TAFA2: variants seen among roughly 807,000 people sequenced by gnomAD.
TAFA2 encodes the protein chemokine-like protein TAFA-2.
TAFA2 carries 7 observed loss-of-function variants against 18.8 expected under a neutral mutation model. The ratio of observed to expected loss-of-function variants is 0.37; its 90% confidence interval spans 0.21 to 0.70. The LOEUF (loss-of-function observed/expected upper bound fraction) is 0.70, where lower values mean the gene tolerates loss of function less well. TAFA2 is among the 30% of genes least tolerant of loss of function. TAFA2 has a pLI of 0.53. For missense variants in TAFA2, 122 were observed against 158.1 expected (o/e 0.77, Z 1.23); for synonymous variants, 60 against 54.2 (o/e 1.11, Z -0.47).
At chr12:61,877,011 C>T (rs982336306) in intron 1 of TAFA2, among the ~76,000 whole-genome samples, 14 of 152,110 alleles carry the variant, frequency 9.2e-5, no homozygotes, top group African/African-American at 1.4e-4. Flanking sequence ...TATACTTTAA[C>T]GAGCTGTCTT....
intron 1 of TAFA2, among the ~76,000 whole-genome samples, chr12:62,150,284 T>C (rs1031770698): frequency 9.2e-5 from 14 of 152,238 alleles, no homozygotes; most frequent in Admixed American, 6.5e-4. Flanking sequence ...TCTTTCTGTA[T>C]ATGGACCTTT....
At chr12:61,974,205 C>T (rs1488545096) in intron 1 of TAFA2, among the ~76,000 whole-genome samples, 1 of 151,564 alleles carries the variant, frequency 6.6e-6, no homozygotes, top group Non-Finnish European at 1.5e-5. Flanking sequence ...TATTCCTGTT[C>T]TATTCATCAC....
At chr12:62,089,111 C>G (rs1592328394) in intron 1 of TAFA2, among the ~76,000 whole-genome samples, 1 of 152,086 alleles carries the variant, frequency 6.6e-6, no homozygotes, top group South Asian at 2.1e-4. Flanking sequence ...TCAGGCCACC[C>G]TGAAATAACT....
intron 1 of TAFA2, among the ~76,000 whole-genome samples, chr12:62,093,023 C>T (rs912864402): frequency 3.9e-5 from 6 of 151,932 alleles, no homozygotes; most frequent in African/African-American, 1.4e-4. Context: ...CTTTTTAGTC[C>T]ATTCGCATCT....
intron 2 of TAFA2, among the ~76,000 whole-genome samples, chr12:61,846,784 T>C (rs1335706919): frequency 1.3e-5 from 2 of 152,170 alleles, no homozygotes; most frequent in African/African-American, 2.4e-5. Context: ...GGTAGAGGTA[T>C]TTAATTTCCT....
intron 1 of TAFA2, among the ~76,000 whole-genome samples, chr12:61,913,078 C>A (rs891023027): frequency 2.0e-5 from 3 of 152,120 alleles, no homozygotes; most frequent in African/African-American, 7.2e-5. Flanking sequence ...TTTTTTTAAA[C>A]ACTCTACAAT....
At chr12:61,734,229 T>C (rs1016122425) in intron 4 of TAFA2, among the ~76,000 whole-genome samples, 11 of 151,622 alleles carry the variant, frequency 7.3e-5, no homozygotes, top group Non-Finnish European at 1.0e-4. Context: ...ACAGGGACAA[T>C]TGGAAATCAT....
intron 1 of TAFA2, among the ~76,000 whole-genome samples, chr12:61,985,229 G>C (rs981067033): frequency 2.0e-5 from 3 of 152,166 alleles, no homozygotes; most frequent in Admixed American, 6.5e-5. Context: ...GACTTATTTT[G>C]AGTTACTTAA....
intron 2 of TAFA2, among the ~76,000 whole-genome samples, chr12:61,790,914 TAA>T: frequency 6.6e-6 from 1 of 151,666 alleles, no homozygotes; most frequent in South Asian, 2.1e-4. Context: ...ACACCAATAC[TAA>T]GAGGGGAAAA....
chr12:62,092,977 A>G (rs1383381647), intron 1 of TAFA2, among the ~76,000 whole-genome samples: 1 of 152,038 alleles, frequency 6.6e-6, no homozygotes, highest in African/African-American at 2.4e-5. Context: ...TCAAATTTAC[A>G]TATCAGCGAA....
Position 62,181,383 on chromosome 12 carries a change from G to C in TAFA2, c.-2+9876C>G, listed in dbSNP as rs193273129. On this transcript the variant is annotated intron_variant, in intron 1 of 4. Transcript: ENST00000416284. ...ATCAATAGAAATGAGATATACATGG[G>C]TCTGCCTCACAGAGCTTACAGTCTA... Among the ~76,000 whole-genome samples the C allele has an allele frequency of 1.5e-3, 231 of 152,264 alleles. 2 individuals are homozygous for C. The highest frequency in any genetic ancestry group is 5.3e-3 in the African/African-American group (220 of 41,558).
chr12:61,977,077 T>C (rs916603100), intron 1 of TAFA2, among the ~76,000 whole-genome samples: 1 of 152,074 alleles, frequency 6.6e-6, no homozygotes, highest in African/African-American at 2.4e-5. Flanking sequence ...TTTCTAGTTC[T>C]AGATCCTTGA....
intron 1 of TAFA2, among the ~76,000 whole-genome samples, chr12:62,247,594 T>G (rs2062892866): frequency 6.6e-6 from 1 of 152,220 alleles, no homozygotes; most frequent in Non-Finnish European, 1.5e-5. Context: ...TACCTTTGAC[T>G]ACACAACAAT....
At chr12:61,952,425 T>G (rs868415149) in intron 1 of TAFA2, among the ~76,000 whole-genome samples, 1 of 152,198 alleles carries the variant, frequency 6.6e-6, no homozygotes, top group African/African-American at 2.4e-5. Context: ...TCAGAGTTTT[T>G]ATATTTTTAT....
intron 2 of TAFA2, among the ~76,000 whole-genome samples, chr12:61,791,474 C>T (rs1223566469): frequency 1.3e-5 from 2 of 151,736 alleles, no homozygotes; most frequent in African/African-American, 4.8e-5. Context: ...AACTATACAT[C>T]TGACAAGGGG....
At chr12:61,758,728 C>A (rs1199319118) in intron 2 of TAFA2, among the ~76,000 whole-genome samples, 3 of 151,932 alleles carry the variant, frequency 2.0e-5, no homozygotes, top group African/African-American at 7.2e-5. Flanking sequence ...GAGAACACAG[C>A]AGAATGGGAG....
chr12:61,933,438 A>G (rs1042670449), intron 1 of TAFA2, among the ~76,000 whole-genome samples: 1 of 152,162 alleles, frequency 6.6e-6, no homozygotes, highest in Admixed American at 6.5e-5. Context: ...CTGGATGGGT[A>G]CAGTCTCTCA....
At position 62,106,605 on chromosome 12, in the gene TAFA2, A is replaced by C. The variant is rs543303056; in HGVS notation, c.-2+84654T>G. Among the ~76,000 whole-genome samples the C allele has an allele frequency of 5.3e-5, 8 of 152,340 alleles. No homozygotes were observed. In the East Asian group the frequency reaches 9.7e-4, roughly 18 times the overall value. ...TTGGCAAATTAAAAGAAAGCGTAGA[A>C]AAATTGCTATAGATGACACTGTGGC... On this transcript the variant is annotated intron_variant, in intron 1 of 4. Coordinates refer to ENST00000416284, the MANE Select transcript of TAFA2 (RefSeq NM_178539.5).
chr12:61,955,632 A>AATATATTTATAT (rs1878655769), intron 1 of TAFA2, among the ~76,000 whole-genome samples: 4 of 41,212 alleles, frequency 9.7e-5, no homozygotes, highest in Non-Finnish European at 1.6e-4. Context: ...AAAAAAAAAA[A>AATATATTTATAT]ATATATATAT....
Sources: gnomAD v4.1 joint callset for allele counts (sites outside exome capture counted in the v4.1 genomes callset) on GRCh38, gnomAD v4.1.1 for gene constraint, MANE v1.5 for transcripts, NCBI Gene and HGNC (gene_info 2026-07-23, HGNC 2026-07-21) for gene names.